The following NRG3 variants were observed in gnomAD, a reference collection of about 807,000 sequenced individuals.
NRG3 encodes the protein pro-neuregulin-3, membrane-bound isoform.
In NRG3, 31 loss-of-function variants were observed where a neutral mutation model predicts 66.9. That is an observed-to-expected ratio of 0.46 (90% CI 0.35 to 0.63). NRG3 has a LOEUF of 0.63. Ranked by LOEUF, NRG3 falls within the 20% of genes least tolerant of loss-of-function variation. The probability of loss-of-function intolerance (pLI) is 0.00; values close to 1 mark genes in which losing one functional copy is unlikely to be tolerated. For missense variants in NRG3, 910 were observed against 878.9 expected (o/e 1.04, Z -0.45); for synonymous variants, 393 against 359.4 (o/e 1.09, Z -1.06).
chr10:82,193,878 C>T (rs1022239489), intron 1 of NRG3, among the ~76,000 whole-genome samples: 1 of 152,142 alleles, frequency 6.6e-6, no homozygotes, highest in Non-Finnish European at 1.5e-5. Flanking sequence ...GGCATTGACA[C>T]TGAATAACCC....
At chr10:82,543,358 C>T (rs1336868108) in intron 2 of NRG3, among the ~76,000 whole-genome samples, 1 of 152,046 alleles carries the variant, frequency 6.6e-6, no homozygotes, top group Non-Finnish European at 1.5e-5. Flanking sequence ...ATCATGTCAA[C>T]ACACCTCAAA....
At chr10:82,858,957 T>G (rs1033398291) in intron 3 of NRG3, among the ~76,000 whole-genome samples, 1 of 149,568 alleles carries the variant, frequency 6.7e-6, no homozygotes, top group Non-Finnish European at 1.5e-5. Flanking sequence ...TTTTTTTTTT[T>G]TTTTTTTGAG....
At chr10:81,883,253 G>T (rs1313009799) in intron 1 of NRG3, among the ~76,000 whole-genome samples, 1 of 152,076 alleles carries the variant, frequency 6.6e-6, no homozygotes, top group African/African-American at 2.4e-5. Flanking sequence ...TTGTACTTTG[G>T]GGAACTTTAA....
At chr10:82,015,638 TG>T (rs1291216818) in intron 1 of NRG3, among the ~76,000 whole-genome samples, 2 of 152,072 alleles carry the variant, frequency 1.3e-5, no homozygotes, top group Non-Finnish European at 2.9e-5. Flanking sequence ...TCTGCCACCT[TG>T]GAAGAAGGTG....
chr10:82,620,183 T>G (rs2048946859), intron 2 of NRG3, among the ~76,000 whole-genome samples: 1 of 152,038 alleles, frequency 6.6e-6, no homozygotes, highest in Non-Finnish European at 1.5e-5. Flanking sequence ...CTGTGGACAT[T>G]GTTATGTTAT....
chr10:82,076,778 G>A (rs966436999), intron 1 of NRG3, among the ~76,000 whole-genome samples: 12 of 152,158 alleles, frequency 7.9e-5, no homozygotes, highest in Admixed American at 6.6e-5. Context: ...AGAAGCAGAC[G>A]CTGACACTGT....
At chr10:81,985,819 C>T (rs976282698) in intron 1 of NRG3, among the ~76,000 whole-genome samples, 1 of 152,132 alleles carries the variant, frequency 6.6e-6, no homozygotes, top group Non-Finnish European at 1.5e-5. Context: ...TCACAATTAG[C>T]CTTTGATAAA....
chr10:82,403,716 C>T (rs1002889953), intron 2 of NRG3, among the ~76,000 whole-genome samples: 9 of 152,032 alleles, frequency 5.9e-5, no homozygotes, highest in African/African-American at 1.7e-4. Flanking sequence ...AATTCTTTGT[C>T]GAGTGCTTGC....
intron 1 of NRG3, among the ~76,000 whole-genome samples, chr10:82,173,703 A>G (rs532074997): frequency 7.9e-5 from 12 of 150,998 alleles, no homozygotes; most frequent in East Asian, 3.9e-4. Flanking sequence ...ACACACACAC[A>G]CGCATGAAAA....
At chr10:81,889,058 A>G (rs924539799) in intron 1 of NRG3, 2 of 152,198 alleles carry the variant, frequency 1.3e-5, no homozygotes, top group Non-Finnish European at 2.9e-5. Context: ...TCGCATCAAC[A>G]AAGCCCTAGA....
intron 1 of NRG3, among the ~76,000 whole-genome samples, chr10:82,278,129 G>T (rs952638314): frequency 6.6e-6 from 1 of 152,006 alleles, no homozygotes; most frequent in South Asian, 2.1e-4. Context: ...ACCAAAACTT[G>T]CCCATCTTTT....
intron 3 of NRG3, among the ~76,000 whole-genome samples, chr10:82,850,508 A>T (rs1192731179): frequency 6.6e-6 from 1 of 152,224 alleles, no homozygotes; most frequent in Admixed American, 6.5e-5. Flanking sequence ...ACCTGAAAAA[A>T]GAAAAATTAC....
At chr10:82,294,281 T>C (rs1344194492) in intron 1 of NRG3, among the ~76,000 whole-genome samples, 1 of 152,238 alleles carries the variant, frequency 6.6e-6, no homozygotes, top group Non-Finnish European at 1.5e-5. Flanking sequence ...AAAATTAACC[T>C]TGGATTGATC....
In NRG3 at chr10:82,461,068, C is replaced by T. The variant is rs115261087; in HGVS notation, c.953+102200C>T. Among the ~76,000 whole-genome samples, 1,336 of 151,838 alleles carry T rather than the reference C, an allele frequency of 8.8e-3. 15 individuals are homozygous for T. Among genetic ancestry groups the T allele is most frequent in the African/African-American group, 0.03 (1,256 of 41,398 alleles). On this transcript the variant is annotated intron_variant, in intron 2 of 8. Coordinates refer to ENST00000372141, the MANE Select transcript of NRG3 (RefSeq NM_001010848.4). ...CCACCGTCAACAATATCAGCACTAC[C>T]GCCACCATCAACAATACTACTGCTG...
At chr10:81,982,606 C>A (rs1021306569) in intron 1 of NRG3, among the ~76,000 whole-genome samples, 1 of 152,172 alleles carries the variant, frequency 6.6e-6, no homozygotes, top group Non-Finnish European at 1.5e-5. Context: ...CAAGCCTGAG[C>A]CTCTCTTCTT....
chr10:82,178,742 A>G (rs986449655), intron 1 of NRG3, among the ~76,000 whole-genome samples: 1 of 152,158 alleles, frequency 6.6e-6, no homozygotes, highest in Non-Finnish European at 1.5e-5. Flanking sequence ...ACCCAAAAGT[A>G]GGATGGCTCA....
intron 3 of NRG3, among the ~76,000 whole-genome samples, chr10:82,799,032 A>G (rs890378945): frequency 1.1e-4 from 16 of 152,322 alleles, no homozygotes; most frequent in Middle Eastern, 3.4e-3. Context: ...TCAATGATAT[A>G]GAAGAGGATT....
chr10:82,546,662 A>G (rs2043938703), intron 2 of NRG3, among the ~76,000 whole-genome samples: 1 of 152,196 alleles, frequency 6.6e-6, no homozygotes, highest in Non-Finnish European at 1.5e-5. Flanking sequence ...TTCCTAGGGT[A>G]CTAAATACTT....
At chr10:82,465,854 T>C (rs1480978926) in intron 2 of NRG3, among the ~76,000 whole-genome samples, 8 of 152,206 alleles carry the variant, frequency 5.3e-5, no homozygotes, top group African/African-American at 2.4e-5. Context: ...TTCTATGTCA[T>C]GTAAGAGTCA....
Sources: gnomAD v4.1 joint callset for allele counts (sites outside exome capture counted in the v4.1 genomes callset) on GRCh38, gnomAD v4.1.1 for gene constraint, MANE v1.5 for transcripts, NCBI Gene and HGNC (gene_info 2026-07-23, HGNC 2026-07-21) for gene names.